PLCE1: variants seen among roughly 807,000 people sequenced by gnomAD.
PLCE1 encodes the protein 1-phosphatidylinositol 4,5-bisphosphate phosphodiesterase epsilon-1.
In PLCE1, 119 loss-of-function variants were observed where a neutral mutation model predicts 242.8. The observed-to-expected ratio is 0.49, with a 90% CI of 0.42 to 0.57. PLCE1 has a LOEUF of 0.57. Ranked by LOEUF, PLCE1 falls within the 20% of genes least tolerant of loss-of-function variation. The probability of loss-of-function intolerance (pLI) is 0.00; values close to 1 mark genes in which losing one functional copy is unlikely to be tolerated. For synonymous variants in PLCE1, 945 were observed against 1,017.4 expected, an observed-to-expected ratio of 0.93 and a Z score of 1.35; for missense variants, 2,441 against 2,788.8, an observed-to-expected ratio of 0.88 and a Z score of 2.81.
Position 94,030,851 on chromosome 10 carries a change from T to A in PLCE1, c.-196T>A. On this transcript the variant is annotated 5_prime_UTR_variant, in exon 2 of 33. Transcript: ENST00000371380. ...AACCCTGATCTAGAAAAAATATATA[T>A]TCATGATAGGAAGTTATAACTAAGA... 1 of 608,170 alleles carries A rather than the reference T, an allele frequency of 1.6e-6. No individual in the cohort carries two copies. Among genetic ancestry groups the A allele is most frequent in the Non-Finnish European group, 2.9e-6 (1 of 346,700 alleles). 37.7% of individuals were successfully genotyped at this position (608,170 alleles called of 1,614,324 possible). A position where few individuals can be genotyped will look rare whatever the true frequency, so the allele number is the denominator to read the frequency against.
intron 3 of PLCE1, among the ~76,000 whole-genome samples, chr10:94,140,646 AATACAC>A (rs1273029464): frequency 2.0e-5 from 3 of 152,274 alleles, no homozygotes; most frequent in Non-Finnish European, 2.9e-5. Flanking sequence ...TTATAGTAGG[AATACAC>A]ATACACATTT....
chr10:94,300,382 G>A (rs117448015), intron 24 of PLCE1, among the ~76,000 whole-genome samples: 35 of 152,310 alleles, frequency 2.3e-4, no homozygotes, highest in Non-Finnish European at 3.4e-4. Context: ...TTGAGAGTAC[G>A]TCTTTAAGCC....
intron 4 of PLCE1, among the ~76,000 whole-genome samples, chr10:94,196,597 G>T (rs1030655730): frequency 6.6e-6 from 1 of 152,048 alleles, no homozygotes; most frequent in African/African-American, 2.4e-5. Flanking sequence ...ACCAGCCTGG[G>T]CTTTGCTGAC....
chr10:94,066,376 G>C (rs1213604732), intron 2 of PLCE1, among the ~76,000 whole-genome samples: 2 of 152,190 alleles, frequency 1.3e-5, no homozygotes, highest in Non-Finnish European at 2.9e-5. Flanking sequence ...ATTTGTGGCT[G>C]TTGGAATTGT....
At chr10:94,293,683 T>A (rs893636928) in intron 23 of PLCE1, 44 bp downstream of exon 23, 1 of 1,605,016 alleles carries the variant, frequency 6.2e-7, no homozygotes, top group Non-Finnish European at 8.5e-7. Context: ...TTCTGCATGC[T>A]GGATGATTTA....
intron 1 of PLCE1, among the ~76,000 whole-genome samples, chr10:94,011,484 C>T (rs755773087): frequency 2.6e-5 from 4 of 152,090 alleles, no homozygotes; most frequent in Non-Finnish European, 5.9e-5. Context: ...AGGGAAGCCA[C>T]TTGCTATGCT....
rs764624873 is a variant in PLCE1 at position 94,234,241 on chromosome 10, G to A, written c.2143G>A (p.Glu715Lys). The A allele has an allele frequency of 5.0e-6, 8 of 1,614,016 alleles. No homozygotes were observed. The highest frequency in any genetic ancestry group is 6.8e-6 in the Non-Finnish European group (8 of 1,180,008). Residue 715 changes from glutamate to lysine, a missense_variant, in exon 6 of 33, where the codon GAA becomes AAA. Physicochemically the swap from Glu to Lys is moderately conservative, Grantham distance 56 (BLOSUM62 1). Around this residue, in one of 5 missense-constraint regions of PLCE1, gnomAD observed 733 missense variants for 754.2 expected, o/e 0.97. Transcript: ENST00000371380. ...FCGVFLKELC[E>K]VLDGASGLMK... The stretch of plus-strand genomic sequence containing the variant: ...TGGGGTGTTTCTGAAGGAGCTCTGT[G>A]AAGTGCTTGACGGCGCCTCCGGTCT...
At chr10:94,154,450 C>T (rs918508470) in intron 3 of PLCE1, among the ~76,000 whole-genome samples, 2 of 151,748 alleles carry the variant, frequency 1.3e-5, no homozygotes, top group African/African-American at 2.4e-5. Context: ...AGGTAACAAA[C>T]AAAAAAATAG....
In PLCE1 at chr10:94,231,641, G is replaced by C. The variant is rs533741414; in HGVS notation, c.1956-2413G>C. Among the ~76,000 whole-genome samples, 8 of 150,966 alleles carry C rather than the reference G, an allele frequency of 5.3e-5. 1 individual carries two copies. Among genetic ancestry groups the C allele is most frequent in the Admixed American group, 5.3e-4 (8 of 15,166 alleles). ...AAAACAGGGATCCCCAGCCTTTTTA[G>C]CATCAGAGACCAGTTTCATGGAAGA... On this transcript the variant is annotated intron_variant, in intron 5 of 32. Transcript: ENST00000371380.
At chr10:94,287,151 G>T (rs1304934434) in intron 22 of PLCE1, 1 of 152,172 alleles carries the variant, frequency 6.6e-6, no homozygotes, top group African/African-American at 2.4e-5. Flanking sequence ...AAAATTCCAA[G>T]TATGTTGTTT....
intron 3 of PLCE1, among the ~76,000 whole-genome samples, chr10:94,168,877 G>A (rs11187798): frequency 0.12 from 17,819 of 152,012 alleles, 2,325 homozygotes; most frequent in African/African-American, 0.32. Flanking sequence ...TAGAAATTTC[G>A]GTTGGCCTCT....
chr10:94,288,159 G>A (rs2052525888), intron 22 of PLCE1, among the ~76,000 whole-genome samples: 1 of 152,112 alleles, frequency 6.6e-6, no homozygotes, highest in African/African-American at 2.4e-5. Flanking sequence ...TGAAGTCTGG[G>A]ATTTTAGCGC....
At chr10:94,102,743 C>G (rs2045584708) in intron 2 of PLCE1, among the ~76,000 whole-genome samples, 1 of 152,216 alleles carries the variant, frequency 6.6e-6, no homozygotes, top group Admixed American at 6.5e-5. Flanking sequence ...CCCATCTCCT[C>G]ATCCTGGTGC....
In PLCE1 at chr10:94,207,514, C is replaced by CGTGTGTGT. The variant is rs56098317; in HGVS notation, c.1810-19759_1810-19752dup. ...ACAAATAAATGAGGGAATAGTTATA[C>CGTGTGTGT]GTGTGTGTGTGTGTGTGTGTGTGTG... is the stretch of plus-strand genomic sequence containing the variant. On this transcript the variant is annotated intron_variant, in intron 4 of 32. Transcript: ENST00000371380. Among the ~76,000 whole-genome samples the CGTGTGTGT allele has an allele frequency of 2.9e-3, 421 of 142,868 alleles. 2 individuals carry two copies. Among genetic ancestry groups the CGTGTGTGT allele is most frequent in the East Asian group, 9.1e-3 (44 of 4,860 alleles). 93.7% of individuals were successfully genotyped at this position (142,868 alleles called of 152,430 possible). A position where few individuals can be genotyped will look rare whatever the true frequency, so the allele number is the denominator to read the frequency against.
chr10:94,137,286 G>A (rs952452494), intron 3 of PLCE1, among the ~76,000 whole-genome samples: 1 of 152,020 alleles, frequency 6.6e-6, no homozygotes, highest in African/African-American at 2.4e-5. Context: ...TTATAGCAGT[G>A]GCAGTCAAAA....
In PLCE1 at chr10:94,031,872, G is replaced by T. The variant is rs2061565917; in HGVS notation, c.826G>T (p.Val276Leu). The part of the protein sequence containing the change: ...FEGSCEKVDM[V>L]YSGDSFCRKD... Reference sequence around the variant, plus strand: ...AGGCTCTTGTGAGAAGGTTGACATGGTATATTCAGGTGATAGCTTTTGTAG... The same window carrying T: ...AGGCTCTTGTGAGAAGGTTGACATGTTATATTCAGGTGATAGCTTTTGTAG... The change falls in exon 2 of 33, where the codon GTA (valine) becomes TTA (leucine). Residue 276 changes from valine (V) to leucine (L), a missense_variant. By Grantham distance (32) the Val-to-Leu change is conservative. This residue lies in a region of PLCE1 where 393 missense variants were observed against 378.5 expected (regional missense o/e 1.04). Coordinates refer to ENST00000371380, the MANE Select transcript of PLCE1 (RefSeq NM_016341.4). The T allele has an allele frequency of 1.2e-6, 2 of 1,613,862 alleles. No homozygotes were observed. The highest frequency in any genetic ancestry group is 2.2e-5 in the East Asian group (1 of 44,870).
chr10:94,319,080 G>A (rs1467041205), intron 29 of PLCE1, among the ~76,000 whole-genome samples: 1 of 152,062 alleles, frequency 6.6e-6, no homozygotes, highest in Non-Finnish European at 1.5e-5. Context: ...ACAACAGGCA[G>A]TAGGGACCTC....
chr10:94,152,524 T>G (rs935993365), intron 3 of PLCE1, among the ~76,000 whole-genome samples: 8 of 152,242 alleles, frequency 5.3e-5, no homozygotes, highest in Admixed American at 3.9e-4. Flanking sequence ...GTTAAAAGCC[T>G]GGGCTTTGGA....
chr10:94,281,714 A>T (rs2133287907), intron 20 of PLCE1, among the ~76,000 whole-genome samples: 1 of 152,232 alleles, frequency 6.6e-6, no homozygotes, highest in Middle Eastern at 3.4e-3. Context: ...TAAGATCTGT[A>T]ATGTATGACC....
Sources: gnomAD v4.1 joint callset for allele counts (sites outside exome capture counted in the v4.1 genomes callset) on GRCh38, gnomAD v4.1.1 for gene constraint, gnomAD v4.1.1 regional missense constraint, MANE v1.5 for transcripts, NCBI Gene and HGNC (gene_info 2026-07-23, HGNC 2026-07-21) for gene names.